COL15A1: variants seen among roughly 807,000 people sequenced by gnomAD.
COL15A1 encodes the protein collagen alpha-1(XV) chain.
In COL15A1, 111 loss-of-function variants were observed where a neutral mutation model predicts 165.9. The ratio of observed to expected loss-of-function variants is 0.67; its 90% CI spans 0.57 to 0.78. COL15A1 has a LOEUF of 0.78. COL15A1 is among the 30% of genes least tolerant of loss of function. The probability of loss-of-function intolerance (pLI) is 0.00; values close to 1 mark genes in which losing one functional copy is unlikely to be tolerated. For synonymous variants in COL15A1, 659 were observed against 674.8 expected (o/e 0.98, Z 0.36); for missense variants, 1,745 against 1,789.7 (o/e 0.98, Z 0.45).
intron 12 of COL15A1, among the ~76,000 whole-genome samples, chr9:99,021,397 G>C (rs1839025237): frequency 6.6e-6 from 1 of 152,144 alleles, no homozygotes; most frequent in Non-Finnish European, 1.5e-5. Flanking sequence ...ACAGATTTGG[G>C]GACTTTACTG....
At chr9:98,954,011 C>T (rs758379773) in intron 2 of COL15A1, among the ~76,000 whole-genome samples, 1 of 152,222 alleles carries the variant, frequency 6.6e-6, no homozygotes, top group Non-Finnish European at 1.5e-5. Context: ...TGAAGAGCCG[C>T]ATTAGACTCA....
chr9:99,037,925 G>C (rs957150511), intron 21 of COL15A1, among the ~76,000 whole-genome samples: 2 of 152,190 alleles, frequency 1.3e-5, no homozygotes, highest in Non-Finnish European at 2.9e-5. Flanking sequence ...GCACATGGGT[G>C]TGTGTAGAGA....
At position 99,015,712 on chromosome 9, in the gene COL15A1, G is replaced by A. The variant is rs974263499; in HGVS notation, c.1503+146G>A. On this transcript the variant is annotated intron_variant, in intron 10 of 41. Transcript: ENST00000375001. ...GTGGGCAGCTGCTGGAGGGAGGCAGGACACAATGCTGGAGTGTAGCAGAGG... is the reference window on the plus strand; with the variant it reads ...GTGGGCAGCTGCTGGAGGGAGGCAGAACACAATGCTGGAGTGTAGCAGAGG... 4.8e-6 allele frequency: 4 copies of A among 831,790 alleles called. No homozygotes were observed. In the African/African-American group the frequency reaches 6.8e-5, roughly 14 times the overall value. The allele number at this position is 831,790 out of a possible 1,614,324, so 51.5% of individuals were successfully genotyped here.
chr9:98,946,564 C>A (rs1016413794), intron 2 of COL15A1, among the ~76,000 whole-genome samples: 1 of 152,224 alleles, frequency 6.6e-6, no homozygotes, highest in Admixed American at 6.5e-5. Context: ...GGGGATGTGA[C>A]TTCCTCAAGG....
intron 39 of COL15A1, 89 bp downstream of exon 39, chr9:99,063,198 T>C (rs1825843846): frequency 7.3e-7 from 1 of 1,370,408 alleles, no homozygotes; most frequent in East Asian, 2.9e-5. Context: ...GTTCCTACCA[T>C]CATGATACTT....
At chr9:98,992,215 G>A (rs1202793382) in intron 5 of COL15A1, among the ~76,000 whole-genome samples, 5 of 152,242 alleles carry the variant, frequency 3.3e-5, no homozygotes, top group Non-Finnish European at 5.9e-5. Flanking sequence ...CAGGGGGCTC[G>A]GGCATGGCAG....
chr9:98,970,871 T>A (rs1838037718), intron 2 of COL15A1, among the ~76,000 whole-genome samples: 1 of 152,036 alleles, frequency 6.6e-6, no homozygotes, highest in South Asian at 2.1e-4. Context: ...TAAACGTGTG[T>A]GTATTTGTAT....
Position 99,034,548 on chromosome 9 carries a change from G to C in COL15A1, c.2044-1G>C. ...CATGTTTTTGTTTTTGTTTTTTTCA[G>C]GGAGCAAGAGGGCCTAATGGCTCAG... On this transcript the variant is annotated splice_acceptor_variant, in intron 16 of 41. Transcript: ENST00000375001. LOFTEE classifies it high-confidence loss of function. 2 of 1,484,090 alleles carry C rather than the reference G, an allele frequency of 1.3e-6. No individual in the cohort carries two copies. Among genetic ancestry groups the C allele is most frequent in the East Asian group, 5.6e-5 (2 of 35,412 alleles). The allele number at this position is 1,484,090 out of a possible 1,614,324, so 91.9% of individuals were successfully genotyped here. A position where few individuals can be genotyped will look rare whatever the true frequency, so the allele number is the denominator to read the frequency against.
At chr9:98,992,298 G>A (rs73503706) in intron 5 of COL15A1, among the ~76,000 whole-genome samples, 3,327 of 152,328 alleles carry the variant, frequency 0.022, 128 homozygotes, top group African/African-American at 0.077. Context: ...AGTGCGGGCC[G>A]GTCGGCAGTG....
chr9:99,055,440 A>T, intron 34 of COL15A1, 68 bp downstream of exon 34: 1 of 940,350 alleles, frequency 1.1e-6, no homozygotes, highest in Non-Finnish European at 1.7e-6. Context: ...CCCCAATGGG[A>T]CTAGGCAGTT....
intron 16 of COL15A1, among the ~76,000 whole-genome samples, chr9:99,031,535 A>C (rs574834867): frequency 1.3e-5 from 2 of 152,274 alleles, no homozygotes; most frequent in Admixed American, 1.3e-4. Flanking sequence ...GGGGTTGCCT[A>C]TTGTGTGCAG....
At chr9:99,055,720 G>A (rs1253297171) in intron 34 of COL15A1, among the ~76,000 whole-genome samples, 1 of 152,238 alleles carries the variant, frequency 6.6e-6, no homozygotes, top group Non-Finnish European at 1.5e-5. Flanking sequence ...ATTTTTAGAG[G>A]AGCTGTTTGA....
intron 31 of COL15A1, among the ~76,000 whole-genome samples, chr9:99,053,656 G>A (rs892956962): frequency 2.6e-5 from 4 of 152,210 alleles, no homozygotes; most frequent in African/African-American, 4.8e-5. Context: ...GCCCCACTGC[G>A]CAGGTCATTG....
chr9:99,028,846 A>G (rs1564068229), intron 16 of COL15A1, among the ~76,000 whole-genome samples: 1 of 152,148 alleles, frequency 6.6e-6, no homozygotes, highest in Non-Finnish European at 1.5e-5. Flanking sequence ...TTGAAATTAT[A>G]CAAATTAAAA....
rs1837533338 is a variant in COL15A1, at chr9:98,944,065, G to A, written c.4G>A (p.Ala2Thr). M[A>T]PRRNNGQCWC... is the part of the protein sequence containing the mutation. ...CGGGGCTCCGCAGACCCGCGAGATG[G>A]CACCAAGGTAAGACCCGCTTCTCTG... The change falls in exon 1 of 42, where the codon GCA becomes ACA. Residue 2 changes from alanine (A) to threonine (T), a missense_variant. By Grantham distance (58) the Ala-to-Thr change is moderately conservative. Transcript: ENST00000375001. The A allele has an allele frequency of 6.2e-7, 1 of 1,614,088 alleles. No homozygotes were observed. The highest frequency in any genetic ancestry group is 8.5e-7 in the Non-Finnish European group (1 of 1,179,934).
At chr9:98,975,157 C>G (rs576956315) in intron 2 of COL15A1, among the ~76,000 whole-genome samples, 10 of 152,254 alleles carry the variant, frequency 6.6e-5, no homozygotes. Flanking sequence ...CCGGACATAT[C>G]CGCAGCGCTC....
chr9:99,064,776 G>T (rs746307847), intron 39 of COL15A1, among the ~76,000 whole-genome samples: 2 of 152,212 alleles, frequency 1.3e-5, no homozygotes, highest in Non-Finnish European at 2.9e-5. Flanking sequence ...TAGCCAAAAA[G>T]ATTCTAGTTG....
intron 34 of COL15A1, 66 bp from the exon 35 acceptor site, chr9:99,056,194 G>T (rs1825717593): frequency 4.9e-6 from 7 of 1,427,466 alleles, no homozygotes; most frequent in African/African-American, 4.2e-5. Context: ...TCTCATAAAA[G>T]GACTAGATGG....
At chr9:99,061,805 C>G (rs958923989) in intron 36 of COL15A1, among the ~76,000 whole-genome samples, 166 bp from the exon 37 acceptor site, 1 of 152,116 alleles carries the variant, frequency 6.6e-6, no homozygotes, top group African/African-American at 2.4e-5. Flanking sequence ...GAAGAATGCC[C>G]TTTAGTTACT....
Sources: allele counts gnomAD v4.1 joint callset (sites outside exome capture counted in the v4.1 genomes callset), GRCh38; gene constraint gnomAD v4.1.1; transcripts MANE v1.5; gene names NCBI Gene and HGNC (gene_info 2026-07-23, HGNC 2026-07-21).